GRTP1: variants seen among roughly 807,000 people sequenced by gnomAD.
GRTP1 encodes growth hormone regulated TBC protein 1.
In GRTP1, 56 loss-of-function variants were observed where a neutral mutation model predicts 38.1. The observed-to-expected ratio is 1.47, with a 90% confidence interval of 1.19 to 1.84. The LOEUF is 1.84. GRTP1 is among the 40% of genes most tolerant of loss of function. GRTP1 has a pLI of 0.00. For missense variants in GRTP1, 506 were observed against 453.9 expected, an observed-to-expected ratio of 1.11 and a Z score of -1.04; for synonymous variants, 217 against 189.5, an observed-to-expected ratio of 1.14 and a Z score of -1.19.
chr13:113,326,024 C>T lies in GRTP1; in HGVS notation c.630G>A (p.Ala210=), dbSNP rs762654135. The T allele has an allele frequency of 2.6e-5, 42 of 1,613,488 alleles. No homozygotes were observed. Among genetic ancestry groups the T allele is most frequent in the Admixed American group, 2.3e-4 (14 of 60,004 alleles). ...TCAGGGCCCCCACAGCCGGCAGCTTCGCCCGCACCAGCTCCCCGAGGACCT... is the reference window on the plus strand; with the variant it reads ...TCAGGGCCCCCACAGCCGGCAGCTTTGCCCGCACCAGCTCCCCGAGGACCT... ...DQEVLGELVR[A]KLPAVGALME... The change falls in exon 6 of 8, where the codon GCG becomes GCA. Residue 210 remains alanine (A), a synonymous_variant. Coordinates refer to ENST00000375431, the MANE Select transcript of GRTP1 (RefSeq NM_024719.4).
chr13:113,346,578 CCG>C (rs1406992796), intron 4 of GRTP1, among the ~76,000 whole-genome samples: 1 of 10,872 alleles, frequency 9.2e-5, no homozygotes, highest in African/African-American at 1.1e-4. Flanking sequence ...ACCTCTGTGG[CCG>C]AGAACAGACC....
chr13:113,361,210 T>TAAAAAAAAAAAAAA (rs60140159), intron 2 of GRTP1, among the ~76,000 whole-genome samples: 2 of 125,356 alleles, frequency 1.6e-5, no homozygotes, highest in Non-Finnish European at 3.2e-5. Flanking sequence ...AGACCAATGC[T>TAAAAAAAAAAAAAA]AAAAAAAAAA....
At chr13:113,353,421 C>G (rs868431210) in intron 3 of GRTP1, among the ~76,000 whole-genome samples, 1 of 152,254 alleles carries the variant, frequency 6.6e-6, no homozygotes, top group East Asian at 1.9e-4. Flanking sequence ...GAATATTATT[C>G]ACCCTTAAAG....
Position 113,348,440 on chromosome 13 carries a change from G to C in GRTP1, c.465+2409C>G, listed in dbSNP as rs2043206968. Among the ~76,000 whole-genome samples, 1 of 152,196 alleles carries C rather than the reference G, an allele frequency of 6.6e-6. No individual in the cohort carries two copies. Among genetic ancestry groups the C allele is most frequent in the African/African-American group, 2.4e-5 (1 of 41,446 alleles). On this transcript the variant is annotated intron_variant, in intron 4 of 7. Transcript: ENST00000375431. The surrounding 1 kb of genome is among the most constrained non-coding windows in gnomAD (Gnocchi z 4.8). ...CACTCCAGCCTGGGTGACAGAGCGA[G>C]ACCGTGTGCACTGTGTAACTCTACA... is the stretch of plus-strand genomic sequence containing the variant.
intron 5 of GRTP1, among the ~76,000 whole-genome samples, chr13:113,337,741 C>T (rs1025555163): frequency 2.6e-5 from 4 of 152,236 alleles, no homozygotes; most frequent in African/African-American, 4.8e-5. Context: ...GCCAGCCCAA[C>T]GGGGGCGTGG....
At chr13:113,346,220 G>T (rs1377464507) in intron 4 of GRTP1, among the ~76,000 whole-genome samples, 1 of 129,260 alleles carries the variant, frequency 7.7e-6, no homozygotes, top group Non-Finnish European at 1.7e-5. Context: ...GGACCTCTGT[G>T]GCTGAGAACA....
chr13:113,354,381 C>T lies in GRTP1; in HGVS notation c.340+942G>A, dbSNP rs917112251. ...GCAGCAGGATGCACCATGTCCTCCC[C>T]GTCCCGTCTTTCTAACCTCTCAGCA... On this transcript the variant is annotated intron_variant, in intron 3 of 7. Transcript: ENST00000375431. Among the ~76,000 whole-genome samples, 7 of 152,318 alleles carry T rather than the reference C, an allele frequency of 4.6e-5. No homozygotes were observed. In the East Asian group the frequency reaches 9.7e-4, roughly 21 times the overall value.
In GRTP1 at chr13:113,348,457, AACTCTACAC is replaced by A. The variant is rs1566434055; in HGVS notation, c.465+2383_465+2391del. On this transcript the variant is annotated intron_variant, in intron 4 of 7. Coordinates refer to ENST00000375431, the MANE Select transcript of GRTP1 (RefSeq NM_024719.4). This position sits in a 1 kb window ranked among gnomAD's most constrained non-coding sequence, Gnocchi z 4.8. ...CAGAGCGAGACCGTGTGCACTGTGTAACTCTACACATATGCCACACATTGAACTGTGTTG... is the reference window on the plus strand; with the variant it reads ...CAGAGCGAGACCGTGTGCACTGTGTAATATGCCACACATTGAACTGTGTTG... 6.6e-6 allele frequency among the ~76,000 whole-genome samples: 1 copy of A among 152,162 alleles called. No individual in the cohort carries two copies. The highest frequency in any genetic ancestry group is 1.5e-5 in the Non-Finnish European group (1 of 68,010).
intron 5 of GRTP1, chr13:113,339,646 A>G (rs1398735946): frequency 6.6e-6 from 1 of 152,234 alleles, no homozygotes; most frequent in Non-Finnish European, 1.5e-5. Context: ...AGACTGGTTG[A>G]TTTCTATCTG....
Position 113,349,693 on chromosome 13 carries a change from G to A in GRTP1, c.465+1156C>T, listed in dbSNP as rs374951181. Among the ~76,000 whole-genome samples, 12 of 152,314 alleles carry A rather than the reference G, an allele frequency of 7.9e-5. No individual in the cohort carries two copies. The highest frequency in any genetic ancestry group is 1.2e-4 in the African/African-American group (5 of 41,592). On this transcript the variant is annotated intron_variant, in intron 4 of 7. Transcript: ENST00000375431. The surrounding 1 kb of genome is among the most constrained non-coding windows in gnomAD (Gnocchi z 5.0). Reference sequence around the variant, plus strand: ...CTCTGCTGCTGGCCTTTCACAGGGCGCTCCTCACGCAACGTCCACCCTTTC... The same window carrying A: ...CTCTGCTGCTGGCCTTTCACAGGGCACTCCTCACGCAACGTCCACCCTTTC...
chr13:113,334,237 G>A (rs978258005), intron 5 of GRTP1, among the ~76,000 whole-genome samples: 4 of 86,976 alleles, frequency 4.6e-5, no homozygotes, highest in African/African-American at 6.8e-5. Context: ...GGACCGAGAG[G>A]GAGGGACCTG....
In GRTP1 at chr13:113,326,075, G is replaced by A; in HGVS notation, c.579C>T (p.Ala193=). The change falls in exon 6 of 8, where the codon GCC becomes GCT. Residue 193 remains alanine, a synonymous_variant. Coordinates refer to ENST00000375431, the MANE Select transcript of GRTP1 (RefSeq NM_024719.4). The part of the protein sequence containing the change: ...GRILPDYYSP[A]MLGLKTDQEV... ...CCTGGTCGGTCTTCAGGCCCAGCAT[G>A]GCCGGGCTGTAGTAATCTGCCAGGC... The A allele has an allele frequency of 6.2e-7, 1 of 1,610,020 alleles. No homozygotes were observed. The highest frequency in any genetic ancestry group is 2.2e-5 in the East Asian group (1 of 44,844).
At chr13:113,324,694 A>T in intron 7 of GRTP1, 117 bp from the exon 8 acceptor site, 1 of 1,474,914 alleles carries the variant, frequency 6.8e-7, no homozygotes, top group South Asian at 1.4e-5. Flanking sequence ...AGCAGTCCAC[A>T]TCCAAGGGCT....
chr13:113,348,608 G>T lies in GRTP1; in HGVS notation c.465+2241C>A, dbSNP rs143107664. Among the ~76,000 whole-genome samples the T allele has an allele frequency of 1.3e-5, 2 of 152,116 alleles. No individual in the cohort carries two copies. Among genetic ancestry groups the T allele is most frequent in the Non-Finnish European group, 2.9e-5 (2 of 68,038 alleles). ...GGATGGGGTCATGGAGGAGTTGGTGGGCCCTATCCAAGCCTGGTGTCCTTG... is the reference window on the plus strand; with the variant it reads ...GGATGGGGTCATGGAGGAGTTGGTGTGCCCTATCCAAGCCTGGTGTCCTTG... On this transcript the variant is annotated intron_variant, in intron 4 of 7. Transcript: ENST00000375431. This position sits in a 1 kb window ranked among gnomAD's most constrained non-coding sequence, Gnocchi z 4.8.
intron 2 of GRTP1, among the ~76,000 whole-genome samples, chr13:113,357,704 G>A (rs939655681): frequency 1.3e-5 from 2 of 152,194 alleles, no homozygotes. Context: ...TCAGAGGGCA[G>A]CTTGACCAGG....
rs1366327198 is a variant in GRTP1, at chr13:113,342,773, C to A, written c.562+2090G>T. On this transcript the variant is annotated intron_variant, in intron 5 of 7. Coordinates refer to ENST00000375431, the MANE Select transcript of GRTP1 (RefSeq NM_024719.4). The surrounding 1 kb of genome is among the most constrained non-coding windows in gnomAD (Gnocchi z 4.5). ...GAGCTCTGCCGGGATCGGAATAACCCCCTTTTCCTCCCATGATCCTAACAG... is the reference window on the plus strand; with the variant it reads ...GAGCTCTGCCGGGATCGGAATAACCACCTTTTCCTCCCATGATCCTAACAG... Among the ~76,000 whole-genome samples the A allele has an allele frequency of 6.6e-6, 1 of 152,176 alleles. No individual in the cohort carries two copies. Among genetic ancestry groups the A allele is most frequent in the Non-Finnish European group, 1.5e-5 (1 of 68,026 alleles).
chr13:113,324,997 T>A (rs1301414816), intron 7 of GRTP1: 1 of 614,916 alleles, frequency 1.6e-6, no homozygotes, highest in Non-Finnish European at 2.1e-6. Flanking sequence ...CCTGGCTAAT[T>A]TTTGTATTTT....
chr13:113,355,724 A>G (rs1314481316), intron 2 of GRTP1: 5 of 357,384 alleles, frequency 1.4e-5, no homozygotes, highest in East Asian at 4.6e-5. Flanking sequence ...CCACTTCACC[A>G]TTCAATGCAG....
At chr13:113,339,248 C>T (rs1393165741) in intron 5 of GRTP1, among the ~76,000 whole-genome samples, 1 of 152,148 alleles carries the variant, frequency 6.6e-6, no homozygotes, top group African/African-American at 2.4e-5. Flanking sequence ...CACACACAGT[C>T]CAGACACTAA....
Sources: allele counts gnomAD v4.1 joint callset (sites outside exome capture counted in the v4.1 genomes callset), GRCh38; gene constraint gnomAD v4.1.1; non-coding constraint Gnocchi (gnomAD v3.1); transcripts MANE v1.5; gene names NCBI Gene and HGNC (gene_info 2026-07-23, HGNC 2026-07-21).